The following ITIH6 variants were observed in gnomAD, a reference collection of about 807,000 sequenced individuals.
ITIH6 encodes the protein inter-alpha-trypsin inhibitor heavy chain family member 6, also known as inter-alpha-trypsin inhibitor heavy chain H6.
A neutral mutation model predicts 58.2 loss-of-function variants in ITIH6; 60 were observed. The observed-to-expected ratio is 1.03, with a 90% CI of 0.84 to 1.28. The LOEUF is 1.28. ITIH6 is among the 50% of genes most tolerant of loss of function. The pLI is 0.00. For missense variants in ITIH6, 1,290 were observed against 1,021.1 expected, an observed-to-expected ratio of 1.26 and a Z score of -3.59; for synonymous variants, 493 against 417.4, an observed-to-expected ratio of 1.18 and a Z score of -2.21.
intron 5 of ITIH6, among the ~76,000 whole-genome samples, chrX:54,782,961 TAACTC>T (rs1929175355): frequency 8.9e-6 from 1 of 111,778 alleles, no homozygotes. Context: ...CTAACAAACT[TAACTC>T]AATAACACAC....
At chrX:54,773,298 G>C (rs1928989797) in intron 6 of ITIH6, among the ~76,000 whole-genome samples, 2 of 111,424 alleles carry the variant, frequency 1.8e-5, no homozygotes, top group Admixed American at 1.9e-4. Context: ...GAGACAAGAA[G>C]GCTAGAAAGG....
At chrX:54,773,748 G>T (rs1298899989) in intron 6 of ITIH6, among the ~76,000 whole-genome samples, 1 of 110,543 alleles carries the variant, frequency 9.0e-6, no homozygotes, top group African/African-American at 3.3e-5. Context: ...GGAAGACTCA[G>T]AGTCTTTCTC....
chrX:54,751,558 G>A (rs1928362068), intron 11 of ITIH6, among the ~76,000 whole-genome samples, 178 bp from the exon 12 acceptor site: 1 of 112,180 alleles, frequency 8.9e-6, no homozygotes, highest in Non-Finnish European at 1.9e-5. Flanking sequence ...GTGGAGTGGG[G>A]GCATGTAGTA....
At chrX:54,759,631 G>GAAA in intron 7 of ITIH6, 125 bp downstream of exon 7, 2 of 534,858 alleles carry the variant, frequency 3.7e-6, no homozygotes, top group Non-Finnish European at 6.0e-6. Flanking sequence ...ATATTTGTGT[G>GAAA]AAATGTGGTC....
In ITIH6 at chrX:54,757,076, G is replaced by A. The variant is rs1170182759; in HGVS notation, c.2998C>T (p.Leu1000Phe). ...AGCTCTAGCTCCTCAGGGAGAAGGA[G>A]CAGACTGATGGCCTCAGGGAGGATG... ...SSILPEAISL[L>F]LLPEELELLS... is the part of the protein sequence containing the mutation. Residue 1000 changes from leucine to phenylalanine, a missense_variant, in exon 8 of 13, where the codon CTC becomes TTC. Coordinates refer to ENST00000218436, the MANE Select transcript of ITIH6 (RefSeq NM_198510.3). 1 of 1,211,375 alleles carries A rather than the reference G, an allele frequency of 8.3e-7. No homozygotes were observed.
At chrX:54,751,690 C>A (rs1356760584) in intron 11 of ITIH6, among the ~76,000 whole-genome samples, 1 of 111,746 alleles carries the variant, frequency 8.9e-6, no homozygotes, top group African/African-American at 3.3e-5. Context: ...AGTACATCTG[C>A]ATGTTTGGAG....
intron 6 of ITIH6, among the ~76,000 whole-genome samples, chrX:54,765,705 G>A (rs1355305518): frequency 1.9e-5 from 2 of 107,676 alleles, no homozygotes; most frequent in South Asian, 4.1e-4. Flanking sequence ...CTGGGTTCAC[G>A]AAGCGGCGTT....
chrX:54,781,745 G>C (rs192485780), intron 5 of ITIH6, among the ~76,000 whole-genome samples: 11 of 112,241 alleles, frequency 9.8e-5, no homozygotes, highest in Non-Finnish European at 1.9e-4. Context: ...TATAATCAAA[G>C]GATTGTAAGT....
chrX:54,761,612 G>A (rs1300976962), intron 6 of ITIH6, among the ~76,000 whole-genome samples: 1 of 111,181 alleles, frequency 9.0e-6, no homozygotes, highest in African/African-American at 3.3e-5. Context: ...ATTAATTTTT[G>A]TATAAGGTGT....
intron 6 of ITIH6, among the ~76,000 whole-genome samples, 170 bp from the exon 7 acceptor site, chrX:54,760,097 C>T (rs1230676832): frequency 8.9e-6 from 1 of 111,770 alleles, no homozygotes; most frequent in Non-Finnish European, 1.9e-5. Flanking sequence ...TCTATGGGTT[C>T]CAAGGCATAG....
At chrX:54,752,182 G>C (rs55762678) in intron 11 of ITIH6, among the ~76,000 whole-genome samples, 49,078 of 110,197 alleles carry the variant, frequency 0.45, 8,391 homozygotes, top group African/African-American at 0.61. Context: ...AAAAACTATG[G>C]ATGGATTTCA....
At chrX:54,785,563 G>C (rs1734699481) in intron 5 of ITIH6, among the ~76,000 whole-genome samples, 1 of 111,046 alleles carries the variant, frequency 9.0e-6, no homozygotes, top group African/African-American at 3.3e-5. Flanking sequence ...TGAGTCTCTT[G>C]GGACTGCCTT....
intron 2 of ITIH6, among the ~76,000 whole-genome samples, chrX:54,794,330 T>TA (rs1189190621): frequency 9.0e-6 from 1 of 110,921 alleles, no homozygotes; most frequent in Admixed American, 9.6e-5. Context: ...TAATTTTTTT[T>TA]AAAAAAATCT....
At chrX:54,779,694 A>G (rs1929115129) in intron 5 of ITIH6, among the ~76,000 whole-genome samples, 1 of 111,511 alleles carries the variant, frequency 9.0e-6, no homozygotes, top group South Asian at 3.7e-4. Flanking sequence ...TTACTTGTCA[A>G]TAATCACATC....
In ITIH6 at chrX:54,791,933, C is replaced by A. The variant is rs1929356050; in HGVS notation, c.361G>T (p.Gly121Cys). The change falls in exon 3 of 13, where the codon GGC becomes TGC. Residue 121 changes from glycine (G) to cysteine (C), a missense_variant. Coordinates refer to ENST00000218436, the MANE Select transcript of ITIH6 (RefSeq NM_198510.3). ...GACTGGATGGGGCCTTACCTGATGC[C>A]TACATGAGCAGCTGTCTTTCCCTGC... ...HQQGKTAAHV[G>C]IRDRESEKFR... The A allele has an allele frequency of 1.8e-6, 2 of 1,140,662 alleles. No homozygotes were observed. The highest frequency in any genetic ancestry group is 1.2e-6 in the Non-Finnish European group (1 of 830,746). The allele number at this position is 1,140,662 out of a possible 1,213,427, so 94.0% of individuals were successfully genotyped here.
chrX:54,764,276 T>C (rs1195901257), intron 6 of ITIH6, among the ~76,000 whole-genome samples: 1 of 110,551 alleles, frequency 9.0e-6, no homozygotes, highest in Non-Finnish European at 1.9e-5. Flanking sequence ...TTTTTAATTA[T>C]ACTTTAAGTT....
rs148997646 is a variant in ITIH6, at chrX:54,773,019, C to T, written c.903+1062G>A. The stretch of plus-strand genomic sequence containing the variant: ...CTCCTGGGCTCAAGTGATCCACCTA[C>T]CTCAGCTCCCCTTCTAGTGTCTGTA... On this transcript the variant is annotated intron_variant, in intron 6 of 12. Transcript: ENST00000218436. Among the ~76,000 whole-genome samples the T allele has an allele frequency of 1.2e-3, 133 of 111,808 alleles. 2 individuals are homozygous for T. Among genetic ancestry groups the T allele is most frequent in the Admixed American group, 2.5e-3 (26 of 10,539 alleles).
At chrX:54,768,159 C>G (rs1337232326) in intron 6 of ITIH6, among the ~76,000 whole-genome samples, 1 of 54,320 alleles carries the variant, frequency 1.8e-5, no homozygotes, top group Non-Finnish European at 3.1e-5. Context: ...CCTTCTTTGT[C>G]TCTTTTGATC....
intron 5 of ITIH6, among the ~76,000 whole-genome samples, chrX:54,786,454 G>C (rs904468126): frequency 9.0e-6 from 1 of 111,677 alleles, no homozygotes; most frequent in Admixed American, 9.5e-5. Context: ...TGTTCCTTTC[G>C]TTGCCCTGCA....
Sources: gnomAD v4.1 joint callset for allele counts (sites outside exome capture counted in the v4.1 genomes callset) on GRCh38, gnomAD v4.1.1 for gene constraint, MANE v1.5 for transcripts, NCBI Gene and HGNC (gene_info 2026-07-23, HGNC 2026-07-21) for gene names.